RABGAP1L: variants seen among roughly 807,000 people sequenced by gnomAD.
RABGAP1L encodes the protein RAB GTPase activating protein 1 like.
Under a neutral mutation model 137.7 loss-of-function variants are expected in RABGAP1L, and 63 were observed. The observed-to-expected ratio is 0.46, with a 90% confidence interval of 0.37 to 0.56. RABGAP1L has a LOEUF of 0.56. Ranked by LOEUF, RABGAP1L falls within the 20% of genes least tolerant of loss-of-function variation. RABGAP1L has a pLI of 0.00. For synonymous variants in RABGAP1L, 431 were observed against 433.7 expected (o/e 0.99, Z 0.08); for missense variants, 1,095 against 1,244.0 (o/e 0.88, Z 1.80).
At chr1:174,789,161 C>A (rs1183083908) in intron 18 of RABGAP1L, among the ~76,000 whole-genome samples, 2 of 152,190 alleles carry the variant, frequency 1.3e-5, no homozygotes, top group African/African-American at 4.8e-5. Context: ...TTACCAAAAA[C>A]CACAGTGACT....
chr1:174,493,693 C>T (rs1397642651), intron 13 of RABGAP1L, among the ~76,000 whole-genome samples: 1 of 151,172 alleles, frequency 6.6e-6, no homozygotes, highest in Non-Finnish European at 1.5e-5. Flanking sequence ...TGGTGGTGTG[C>T]ACCTGTAGTT....
At chr1:174,696,014 C>T (rs546452594) in intron 15 of RABGAP1L, among the ~76,000 whole-genome samples, 161 of 152,234 alleles carry the variant, frequency 1.1e-3, no homozygotes, top group African/African-American at 3.6e-3. Context: ...CAAGCACTAG[C>T]CACCACAGCT....
intron 13 of RABGAP1L, among the ~76,000 whole-genome samples, chr1:174,570,260 T>C (rs563669442): frequency 1.3e-5 from 2 of 152,292 alleles, no homozygotes; most frequent in South Asian, 4.1e-4. Flanking sequence ...TCACTATGCA[T>C]AGAGGTATAA....
intron 13 of RABGAP1L, among the ~76,000 whole-genome samples, chr1:174,562,718 G>C (rs1048382032): frequency 2.6e-5 from 4 of 152,082 alleles, no homozygotes; most frequent in African/African-American, 9.7e-5. Context: ...CATGGATGAA[G>C]GTGGAAACCA....
chr1:174,493,546 G>T (rs1255893939), intron 13 of RABGAP1L, among the ~76,000 whole-genome samples: 3 of 151,856 alleles, frequency 2.0e-5, no homozygotes, highest in Non-Finnish European at 2.9e-5. Context: ...TTGGCCAGAT[G>T]TGGTGGTTCA....
At chr1:174,842,122 A>ATAT (rs1558137160) in intron 19 of RABGAP1L, among the ~76,000 whole-genome samples, 1 of 152,242 alleles carries the variant, frequency 6.6e-6, no homozygotes, top group Non-Finnish European at 1.5e-5. Context: ...TAGTTTGTTC[A>ATAT]TATAACAAAT....
chr1:174,855,553 G>A (rs1170728941), intron 19 of RABGAP1L, among the ~76,000 whole-genome samples: 1 of 152,180 alleles, frequency 6.6e-6, no homozygotes, highest in African/African-American at 2.4e-5. Flanking sequence ...TTAAGTTAGA[G>A]GACTCCAGAG....
chr1:174,437,292 A>T (rs1653489320), intron 13 of RABGAP1L, among the ~76,000 whole-genome samples: 1 of 152,188 alleles, frequency 6.6e-6, no homozygotes, highest in South Asian at 2.1e-4. Context: ...GGAAGTTCGA[A>T]CCAATGGCAA....
chr1:174,975,871 G>A (rs1670601073), intron 21 of RABGAP1L, among the ~76,000 whole-genome samples: 1 of 152,154 alleles, frequency 6.6e-6, no homozygotes, highest in African/African-American at 2.4e-5. Context: ...GTTGGTGTGT[G>A]GATTAGAAAT....
intron 13 of RABGAP1L, among the ~76,000 whole-genome samples, chr1:174,496,223 T>A (rs1361879465): frequency 6.6e-6 from 1 of 152,102 alleles, no homozygotes; most frequent in Non-Finnish European, 1.5e-5. Flanking sequence ...ACATGGACAA[T>A]TTTTGCCACA....
chr1:174,774,224 G>T (rs1183916217), intron 18 of RABGAP1L, among the ~76,000 whole-genome samples: 1 of 152,182 alleles, frequency 6.6e-6, no homozygotes, highest in Non-Finnish European at 1.5e-5. Flanking sequence ...TTGACTAAGA[G>T]AATTTGGTTT....
At chr1:174,641,306 T>C (rs1029278239) in intron 14 of RABGAP1L, among the ~76,000 whole-genome samples, 3 of 152,106 alleles carry the variant, frequency 2.0e-5, no homozygotes, top group African/African-American at 7.2e-5. Flanking sequence ...CATGTTTTAA[T>C]GGCCCTGTCA....
rs1490890309 is a variant in RABGAP1L at position 174,702,244 on chromosome 1, A to C, written c.2157A>C (p.Leu719Phe). ...PLCMVFHIID[L>F]LLCEGLNIIF... is the part of the protein sequence containing the mutation. ...GCATGGTGTTCCACATCATTGACTT[A>C]CTGCTTTGTGAGGTAGAGTGACTCC... Residue 719 changes from leucine (L) to phenylalanine (F), a missense_variant, in exon 17 of 26, where the codon TTA becomes TTC. Physicochemically the swap from Leu to Phe is conservative, Grantham distance 22. Coordinates refer to ENST00000681986, the MANE Select transcript of RABGAP1L (RefSeq NM_001366446.1). 6.2e-7 allele frequency: 1 copy of C among 1,607,310 alleles called. No homozygotes were observed. The highest frequency in any genetic ancestry group is 1.1e-5 in the South Asian group (1 of 89,620).
chr1:174,838,917 C>CAA (rs58265128), intron 19 of RABGAP1L, among the ~76,000 whole-genome samples: 1,272 of 22,448 alleles, frequency 0.057, 508 homozygotes, highest in Non-Finnish European at 0.087. Context: ...GACTCCGTCT[C>CAA]AAAAAAAAAA....
At chr1:174,579,000 C>T (rs918876590) in intron 13 of RABGAP1L, among the ~76,000 whole-genome samples, 1 of 152,006 alleles carries the variant, frequency 6.6e-6, no homozygotes, top group Non-Finnish European at 1.5e-5. Context: ...ACATATAGAA[C>T]ACAGTCATTT....
At chr1:174,502,606 A>G (rs902068004) in intron 13 of RABGAP1L, among the ~76,000 whole-genome samples, 4 of 131,580 alleles carry the variant, frequency 3.0e-5, no homozygotes, top group African/African-American at 9.2e-5. Flanking sequence ...ATGTACATAT[A>G]TGTGTGTATA....
At chr1:174,454,344 A>G (rs1359854626) in intron 13 of RABGAP1L, among the ~76,000 whole-genome samples, 2 of 152,198 alleles carry the variant, frequency 1.3e-5, no homozygotes, top group Non-Finnish European at 2.9e-5. Flanking sequence ...TACAAATAAC[A>G]CTATCCAATA....
chr1:174,393,222 G>A (rs918998145), intron 12 of RABGAP1L, among the ~76,000 whole-genome samples: 3 of 152,100 alleles, frequency 2.0e-5, no homozygotes, highest in Admixed American at 2.0e-4. Context: ...TTGTAGGAAA[G>A]GGTTAGGTCC....
intron 10 of RABGAP1L, among the ~76,000 whole-genome samples, chr1:174,298,547 C>A (rs572357755): frequency 4.7e-5 from 7 of 149,556 alleles, no homozygotes; most frequent in African/African-American, 1.8e-4. Context: ...AATTTTCTTT[C>A]CTATGGCTTT....
Sources: allele counts gnomAD v4.1 joint callset (sites outside exome capture counted in the v4.1 genomes callset), GRCh38; gene constraint gnomAD v4.1.1; transcripts MANE v1.5; gene names NCBI Gene and HGNC (gene_info 2026-07-23, HGNC 2026-07-21).